Variants in NDFIP1 observed in about 807,000 individuals in gnomAD.
NDFIP1 encodes the protein Nedd4 family interacting protein 1, also known as NEDD4 family-interacting protein 1.
A neutral mutation model predicts 28.8 loss-of-function variants in NDFIP1; 7 were observed. The observed-to-expected ratio is 0.24, with a 90% CI of 0.14 to 0.46. NDFIP1 has a LOEUF of 0.46. Among genes scored for constraint, NDFIP1 ranks in the 20% least tolerant of loss-of-function variants. The probability of loss-of-function intolerance (pLI) is 0.99; values close to 1 mark genes in which losing one functional copy is unlikely to be tolerated. For missense variants in NDFIP1, 194 were observed against 269.1 expected (o/e 0.72, Z 1.95); for synonymous variants, 92 against 101.0 (o/e 0.91, Z 0.53).
rs912671592 is a variant in NDFIP1 at position 142,153,795 on chromosome 5, A to G, written c.*2067A>G. 1 of 156,966 alleles carries G rather than the reference A, an allele frequency of 6.4e-6. No individual in the cohort carries two copies. The highest frequency in any genetic ancestry group is 2.4e-5 in the African/African-American group (1 of 41,462). 9.7% of individuals were successfully genotyped at this position (156,966 alleles called of 1,614,324 possible). On this transcript the variant is annotated 3_prime_UTR_variant, in exon 8 of 8. Coordinates refer to ENST00000253814, the MANE Select transcript of NDFIP1 (RefSeq NM_030571.4). The stretch of plus-strand genomic sequence containing the variant: ...AATAGAAGGGTCCTAAATCACGTTA[A>G]CTCAAACATTGTAGACTAGCTTTGT...
rs1325922810 is a variant in NDFIP1, at chr5:142,135,766, G to T, written c.319G>T (p.Ala107Ser). The T allele has an allele frequency of 7.4e-6, 12 of 1,613,614 alleles. 1 individual carries two copies. Among genetic ancestry groups the T allele is most frequent in the African/African-American group, 1.3e-5 (1 of 74,874 alleles). ...DFVGRDDFDDADQLRIGNDGI... is the reference protein window; with the variant it reads ...DFVGRDDFDDSDQLRIGNDGI... ...TGTGGGTCGGGATGATTTTGATGAT[G>T]CTGACCAGCTGAGGATAGGAAATGA... The change falls in exon 4 of 8, where the codon GCT (alanine) becomes TCT (serine). Residue 107 changes from alanine (A) to serine (S), a missense_variant. By Grantham distance (99) the Ala-to-Ser change is moderately conservative. Coordinates refer to ENST00000253814, the MANE Select transcript of NDFIP1 (RefSeq NM_030571.4).
In NDFIP1 at chr5:142,152,614, A is replaced by T. The variant is rs1216173876; in HGVS notation, c.*886A>T. On this transcript the variant is annotated 3_prime_UTR_variant, in exon 8 of 8. Transcript: ENST00000253814. Reference sequence around the variant, plus strand: ...GAAGTAGCTTGGAACTTTTGAGATGATCCCTAACATACTGTACTACTTGCT... The same window carrying T: ...GAAGTAGCTTGGAACTTTTGAGATGTTCCCTAACATACTGTACTACTTGCT... The T allele has an allele frequency of 6.6e-6, 1 of 151,154 alleles. No homozygotes were observed. Among genetic ancestry groups the T allele is most frequent in the Non-Finnish European group, 1.5e-5 (1 of 67,926 alleles). 9.4% of individuals were successfully genotyped at this position (151,154 alleles called of 1,614,324 possible). A position where few individuals can be genotyped will look rare whatever the true frequency, so the allele number is the denominator to read the frequency against.
intron 7 of NDFIP1, among the ~76,000 whole-genome samples, chr5:142,146,513 G>T (rs527291272): frequency 3.3e-5 from 5 of 152,304 alleles, no homozygotes; most frequent in Admixed American, 1.3e-4. Flanking sequence ...CTGTTGGGTT[G>T]CTACAAGTCC....
rs985408843 is a variant in NDFIP1, at chr5:142,154,003, T to C, written c.*2275T>C. The stretch of plus-strand genomic sequence containing the variant: ...TTTCTCTTTAATCGTTTAAATGTTC[T>C]GAAAATTAAAATCTTTTGAGGCACA... On this transcript the variant is annotated 3_prime_UTR_variant, in exon 8 of 8. Transcript: ENST00000253814. The C allele has an allele frequency of 1.3e-5, 2 of 152,480 alleles. No homozygotes were observed. Among genetic ancestry groups the C allele is most frequent in the African/African-American group, 4.8e-5 (2 of 41,466 alleles). 9.4% of individuals were successfully genotyped at this position (152,480 alleles called of 1,614,324 possible).
At position 142,152,672 on chromosome 5, in the gene NDFIP1, T is replaced by G. The variant is rs1277103915; in HGVS notation, c.*944T>G. 1 of 156,086 alleles carries G rather than the reference T, an allele frequency of 6.4e-6. No homozygotes were observed. The highest frequency in any genetic ancestry group is 2.4e-5 in the African/African-American group (1 of 41,466). The allele number at this position is 156,086 out of a possible 1,614,324, so 9.7% of individuals were successfully genotyped here. On this transcript the variant is annotated 3_prime_UTR_variant, in exon 8 of 8. Transcript: ENST00000253814. The stretch of plus-strand genomic sequence containing the variant: ...TGTGTTAGCAGAAACCAGTGGGTTA[T>G]AATGTAGAATGATGTGCTTTCTGCC...
At chr5:142,135,250 T>G (rs1204191855) in intron 3 of NDFIP1, among the ~76,000 whole-genome samples, 1 of 152,212 alleles carries the variant, frequency 6.6e-6, no homozygotes, top group Non-Finnish European at 1.5e-5. Flanking sequence ...AGTGCTGGGA[T>G]TACAGGCATG....
At chr5:142,114,646 A>G (rs549913225) in intron 1 of NDFIP1, among the ~76,000 whole-genome samples, 35 of 152,332 alleles carry the variant, frequency 2.3e-4, no homozygotes, top group African/African-American at 8.4e-4. Context: ...TGTAACGCTA[A>G]AAGAAAACAA....
chr5:142,110,244 A>G (rs1351053052), intron 1 of NDFIP1, among the ~76,000 whole-genome samples: 3 of 152,334 alleles, frequency 2.0e-5, no homozygotes, highest in South Asian at 2.1e-4. Flanking sequence ...GTGGCAATGC[A>G]GTTAATCCTT....
At chr5:142,146,625 C>A (rs1418720198) in intron 7 of NDFIP1, among the ~76,000 whole-genome samples, 2 of 152,148 alleles carry the variant, frequency 1.3e-5, no homozygotes, top group African/African-American at 2.4e-5. Flanking sequence ...TAAAAAAAGT[C>A]ATCAATTCTG....
rs1437841678 is a variant in NDFIP1 at position 142,153,456 on chromosome 5, G to T, written c.*1728G>T. 4.4e-6 allele frequency: 2 copies of T among 455,866 alleles called. No individual in the cohort carries two copies. The highest frequency in any genetic ancestry group is 4.4e-6 in the Non-Finnish European group (1 of 226,182). The allele number at this position is 455,866 out of a possible 1,614,324, so 28.2% of individuals were successfully genotyped here. A position where few individuals can be genotyped will look rare whatever the true frequency, so the allele number is the denominator to read the frequency against. On this transcript the variant is annotated 3_prime_UTR_variant, in exon 8 of 8. Transcript: ENST00000253814. Reference sequence around the variant, plus strand: ...GCACAGAAGTGTGGGTTGTTTGAAAGCCAAACAGGAAAATTAGGAGCCTCC... The same window carrying T: ...GCACAGAAGTGTGGGTTGTTTGAAATCCAAACAGGAAAATTAGGAGCCTCC...
At chr5:142,144,703 C>T (rs1757370660) in intron 7 of NDFIP1, 27 bp downstream of exon 7, 1 of 1,362,856 alleles carries the variant, frequency 7.3e-7, no homozygotes, top group Non-Finnish European at 1.0e-6. Context: ...TTATTCTAGT[C>T]CCAGTGTAAC....
chr5:142,111,917 A>C (rs556088202), intron 1 of NDFIP1, among the ~76,000 whole-genome samples: 1 of 151,952 alleles, frequency 6.6e-6, no homozygotes, highest in African/African-American at 2.4e-5. Flanking sequence ...AAATACAAAA[A>C]TTAGCCAGGT....
At position 142,151,743 on chromosome 5, in the gene NDFIP1, A is replaced by G. The variant is rs1757448793; in HGVS notation, c.*15A>G. 6.5e-6 allele frequency: 1 copy of G among 152,746 alleles called. No homozygotes were observed. The allele number at this position is 152,746 out of a possible 1,614,324, so 9.5% of individuals were successfully genotyped here. ...CCTTCTCTGGCAGATGTTTTCTGGCAAAGGCCTTCCTGCATTTATGAATTC... is the reference window on the plus strand; with the variant it reads ...CCTTCTCTGGCAGATGTTTTCTGGCGAAGGCCTTCCTGCATTTATGAATTC... On this transcript the variant is annotated 3_prime_UTR_variant, in exon 8 of 8. Coordinates refer to ENST00000253814, the MANE Select transcript of NDFIP1 (RefSeq NM_030571.4).
chr5:142,147,576 C>G (rs540213857), intron 7 of NDFIP1, among the ~76,000 whole-genome samples: 2 of 152,248 alleles, frequency 1.3e-5, no homozygotes, highest in East Asian at 3.9e-4. Flanking sequence ...ACACACCTGG[C>G]CAGTTATTTC....
chr5:142,140,657 A>G (rs1177647916), intron 6 of NDFIP1, 28 bp downstream of exon 6: 1 of 1,568,612 alleles, frequency 6.4e-7, no homozygotes. Context: ...AAGAAAAGGC[A>G]AGAAAACATT....
At chr5:142,134,905 G>A (rs1757258887) in intron 3 of NDFIP1, among the ~76,000 whole-genome samples, 1 of 152,126 alleles carries the variant, frequency 6.6e-6, no homozygotes, top group Admixed American at 6.6e-5. Context: ...GGGCAGTTCT[G>A]TGGACTATTC....
intron 3 of NDFIP1, among the ~76,000 whole-genome samples, chr5:142,133,544 C>G (rs1281575346): frequency 6.6e-6 from 1 of 152,172 alleles, no homozygotes; most frequent in African/African-American, 2.4e-5. Context: ...CCCAGATATT[C>G]TAGAATCCAA....
chr5:142,132,470 G>T lies in NDFIP1; in HGVS notation c.282+128G>T. ...AAGTAGAGCTAATTTTAAAAATCAG[G>T]TACATTTGCTTTTGGGATAATAAAC... is the stretch of plus-strand genomic sequence containing the variant. On this transcript the variant is annotated intron_variant, in intron 3 of 7. Transcript: ENST00000253814. The T allele has an allele frequency of 5.8e-6, 7 of 1,198,214 alleles. No homozygotes were observed. The South Asian group carries it at 1.1e-4, about 19-fold the overall frequency. 74.2% of individuals were successfully genotyped at this position (1,198,214 alleles called of 1,614,324 possible). A position where few individuals can be genotyped will look rare whatever the true frequency, so the allele number is the denominator to read the frequency against.
chr5:142,149,911 G>A (rs2126925032), intron 7 of NDFIP1, among the ~76,000 whole-genome samples: 1 of 152,300 alleles, frequency 6.6e-6, no homozygotes, highest in East Asian at 1.9e-4. Context: ...GCCAGGCATG[G>A]TGGCTCACGC....
Sources: allele counts gnomAD v4.1 joint callset (sites outside exome capture counted in the v4.1 genomes callset), GRCh38; gene constraint gnomAD v4.1.1; transcripts MANE v1.5; gene names NCBI Gene and HGNC (gene_info 2026-07-23, HGNC 2026-07-21).